CCDC141: variants seen among roughly 807,000 people sequenced by gnomAD.
The protein encoded by CCDC141 is coiled-coil domain-containing protein 141.
A neutral mutation model predicts 181.0 loss-of-function variants in CCDC141; 168 were observed. That is an observed-to-expected ratio of 0.93 (90% CI 0.82 to 1.05). The LOEUF is 1.05. CCDC141 is among the 50% of genes least tolerant of loss of function. CCDC141 has a pLI of 0.00. For synonymous variants in CCDC141, 666 were observed against 642.3 expected (o/e 1.04, Z -0.56); for missense variants, 1,902 against 1,788.5 (o/e 1.06, Z -1.14).
At chr2:178,950,353 A>T (rs1441905264) in intron 5 of CCDC141, among the ~76,000 whole-genome samples, 1 of 151,934 alleles carries the variant, frequency 6.6e-6, no homozygotes, top group Admixed American at 6.6e-5. Context: ...CTTTTTTTAC[A>T]GTAGGGGAAC....
At chr2:178,902,232 C>T (rs1687732109) in intron 8 of CCDC141, among the ~76,000 whole-genome samples, 1 of 152,180 alleles carries the variant, frequency 6.6e-6, no homozygotes. Flanking sequence ...CAATGACTTT[C>T]TTCACAGAAT....
chr2:178,859,744 A>G (rs1289277445), intron 17 of CCDC141, among the ~76,000 whole-genome samples: 1 of 152,252 alleles, frequency 6.6e-6, no homozygotes, highest in Non-Finnish European at 1.5e-5. Context: ...TAAAAACTAT[A>G]GCTATTTTGA....
intron 6 of CCDC141, 42 bp from the exon 7 acceptor site, chr2:178,918,949 T>A: frequency 6.7e-7 from 1 of 1,500,986 alleles, no homozygotes; most frequent in Non-Finnish European, 9.0e-7. Context: ...TCTCCTCTGT[T>A]ATGGACCGAA....
chr2:178,959,991 G>T (rs1690325779), intron 5 of CCDC141, among the ~76,000 whole-genome samples: 1 of 152,078 alleles, frequency 6.6e-6, no homozygotes, highest in Non-Finnish European at 1.5e-5. Flanking sequence ...GTATTAATTT[G>T]GTCCCCCAGG....
At chr2:178,993,846 G>A (rs1037822418) in intron 2 of CCDC141, among the ~76,000 whole-genome samples, 1 of 152,064 alleles carries the variant, frequency 6.6e-6, no homozygotes, top group Non-Finnish European at 1.5e-5. Context: ...CAAAATAAAG[G>A]GGCTACAGGC....
intron 23 of CCDC141, 59 bp from the exon 24 acceptor site, chr2:178,834,499 G>A: frequency 6.6e-7 from 1 of 1,509,482 alleles, no homozygotes. Flanking sequence ...TTATTTCCAA[G>A]TTCTAATAAT....
the CCDC141 span, among the ~76,000 whole-genome samples, chr2:178,821,379 T>G: frequency 2.6e-5 from 4 of 152,200 alleles, no homozygotes; most frequent in African/African-American, 9.6e-5. Flanking sequence ...TTCCTTTAAA[T>G]TTTGTTCTAA....
At chr2:178,905,578 A>G in intron 7 of CCDC141, 77 bp from the exon 8 acceptor site, 1 of 1,267,518 alleles carries the variant, frequency 7.9e-7, no homozygotes, top group Non-Finnish European at 1.1e-6. Flanking sequence ...AAACACTGGC[A>G]ATTAAATCAG....
intron 2 of CCDC141, among the ~76,000 whole-genome samples, chr2:178,978,921 C>G (rs894470200): frequency 1.1e-4 from 16 of 152,248 alleles, no homozygotes; most frequent in Non-Finnish European, 2.1e-4. Flanking sequence ...CTGCTGACAT[C>G]TGTCAAAGAC....
intron 2 of CCDC141, among the ~76,000 whole-genome samples, chr2:179,042,887 G>A (rs1277816266): frequency 6.6e-6 from 1 of 152,004 alleles, no homozygotes; most frequent in East Asian, 1.9e-4. Context: ...GAAAGAGATA[G>A]AGACACAAAA....
chr2:179,010,613 C>T (rs973977275), intron 2 of CCDC141, among the ~76,000 whole-genome samples: 2 of 152,102 alleles, frequency 1.3e-5, no homozygotes, highest in Non-Finnish European at 2.9e-5. Flanking sequence ...GAGAATTCAC[C>T]ATTACCAAGC....
At chr2:179,028,963 A>T (rs2042931628) in intron 2 of CCDC141, among the ~76,000 whole-genome samples, 1 of 152,132 alleles carries the variant, frequency 6.6e-6, no homozygotes, top group African/African-American at 2.4e-5. Flanking sequence ...CCACAATCAA[A>T]TCTAACTGTG....
At chr2:178,954,973 C>T (rs1248195335) in intron 5 of CCDC141, among the ~76,000 whole-genome samples, 1 of 152,020 alleles carries the variant, frequency 6.6e-6, no homozygotes, top group Admixed American at 6.6e-5. Context: ...ACCACTGTAC[C>T]ATCAACAACG....
chr2:179,032,753 T>C (rs914648356), intron 2 of CCDC141, among the ~76,000 whole-genome samples: 1 of 152,014 alleles, frequency 6.6e-6, no homozygotes, highest in Non-Finnish European at 1.5e-5. Context: ...TTCCTGGTAC[T>C]AGAACCAGTA....
chr2:178,819,024 T>A, the CCDC141 span, among the ~76,000 whole-genome samples: 20 of 152,322 alleles, frequency 1.3e-4, no homozygotes, highest in South Asian at 3.9e-3. Flanking sequence ...GTTCTTAAGC[T>A]ACTAAATTAC....
chr2:179,015,417 A>G lies in CCDC141; in HGVS notation c.225+31867T>C, dbSNP rs1184896906. On this transcript the variant is annotated intron_variant, in intron 2 of 23. Coordinates refer to ENST00000443758, the MANE Select transcript of CCDC141 (RefSeq NM_173648.4). ...ATCATATATCTCATATATGTACCAT[A>G]TATCTCATATATGTACCATATATAT... Among the ~76,000 whole-genome samples the G allele has an allele frequency of 2.8e-5, 4 of 141,108 alleles. No homozygotes were observed. In the South Asian group the frequency reaches 9.3e-4, roughly 33 times the overall value. 92.6% of individuals were successfully genotyped at this position (141,108 alleles called of 152,430 possible).
At chr2:178,878,478 ATTTTTTT>A (rs766496516) in intron 11 of CCDC141, among the ~76,000 whole-genome samples, 12 of 114,626 alleles carry the variant, frequency 1.0e-4, no homozygotes, top group African/African-American at 2.8e-4. Flanking sequence ...GGCCTGGCTA[ATTTTTTT>A]TTTTTTTTTT....
intron 17 of CCDC141, among the ~76,000 whole-genome samples, chr2:178,865,323 C>T (rs1291899226): frequency 6.6e-6 from 1 of 152,176 alleles, no homozygotes; most frequent in Non-Finnish European, 1.5e-5. Flanking sequence ...ATTGATTCAC[C>T]ATGAGTCAAT....
chr2:178,942,969 A>G (rs1026101726), intron 6 of CCDC141, among the ~76,000 whole-genome samples: 2 of 152,194 alleles, frequency 1.3e-5, no homozygotes, highest in African/African-American at 4.8e-5. Flanking sequence ...ACTGTGCCCT[A>G]CTAAGGTCAA....
Sources: gnomAD v4.1 joint callset for allele counts (sites outside exome capture counted in the v4.1 genomes callset) on GRCh38, gnomAD v4.1.1 for gene constraint, MANE v1.5 for transcripts, NCBI Gene and HGNC (gene_info 2026-07-23, HGNC 2026-07-21) for gene names.